PRR12: variants seen among roughly 807,000 people sequenced by gnomAD.
PRR12 encodes proline rich 12.
Under a neutral mutation model 138.0 loss-of-function variants are expected in PRR12, and 12 were observed. That is an observed-to-expected ratio of 0.09 (90% CI 0.06 to 0.14). The LOEUF (loss-of-function observed/expected upper bound fraction) is 0.14, where lower values mean the gene tolerates loss of function less well. PRR12 is among the 10% of genes least tolerant of loss of function. PRR12 has a pLI of 1.00. For missense variants in PRR12, 2,692 were observed against 2,861.3 expected, an observed-to-expected ratio of 0.94 and a Z score of 1.35; for synonymous variants, 1,567 against 1,291.7, an observed-to-expected ratio of 1.21 and a Z score of -4.57.
chr19:49,608,443 G>A (rs1303147392), intron 6 of PRR12, among the ~76,000 whole-genome samples: 1 of 152,116 alleles, frequency 6.6e-6, no homozygotes, highest in Non-Finnish European at 1.5e-5. Flanking sequence ...CCGGGTTCAA[G>A]CGATTCTTCT....
Position 49,595,907 on chromosome 19 carries a change from G to A in PRR12, c.1572G>A (p.Leu524=). Residue 524 remains leucine (L), a synonymous_variant, in exon 4 of 14, where the codon CTG becomes CTA. Transcript: ENST00000418929. Reference sequence around the variant, plus strand: ...GGCCAGCCGCCCACTCCCAGGGGCTGCCCACAGCCAGCCCCTCGCTCAGCT... The same window carrying A: ...GGCCAGCCGCCCACTCCCAGGGGCTACCCACAGCCAGCCCCTCGCTCAGCT... ...YPGPAAHSQG[L]PTASPSLSYS... is the part of the protein sequence containing the mutation. 2.5e-6 allele frequency: 4 copies of A among 1,602,766 alleles called. No homozygotes were observed. Among genetic ancestry groups the A allele is most frequent in the Non-Finnish European group, 3.4e-6 (4 of 1,179,602 alleles).
chr19:49,618,213 C>T (rs1249493676), intron 9 of PRR12, among the ~76,000 whole-genome samples: 1 of 152,028 alleles, frequency 6.6e-6, no homozygotes, highest in Non-Finnish European at 1.5e-5. Flanking sequence ...GTCATGACCC[C>T]TTTCCAGTGA....
rs746913171 is a variant in PRR12 at position 49,596,238 on chromosome 19, C to T, written c.1903C>T (p.Arg635Cys). 4.3e-6 allele frequency: 7 copies of T among 1,610,870 alleles called. No homozygotes were observed. Among genetic ancestry groups the T allele is most frequent in the Non-Finnish European group, 5.9e-6 (7 of 1,179,620 alleles). ...LAGPGGPPAE[R>C]TEDEEFLIQH... ...GGGCCCAGGTGGGCCTCCTGCGGAG[C>T]GCACAGAGGATGAGGAGTTCCTTAT... is the stretch of plus-strand genomic sequence containing the variant. The change falls in exon 4 of 14, where the codon CGC (arginine) becomes TGC (cysteine). Residue 635 changes from arginine (R) to cysteine (C), a missense_variant. This residue lies in a region of PRR12 where 840 missense variants were observed against 689.8 expected (regional missense o/e 1.22). Coordinates refer to ENST00000418929, the MANE Select transcript of PRR12 (RefSeq NM_020719.3). The surrounding 1 kb of genome is among the most constrained non-coding windows in gnomAD (Gnocchi z 5.6).
chr19:49,591,470 CT>C lies in PRR12; in HGVS notation c.-184del, dbSNP rs1432451863. ...CCCTCCCTTGCCCGCCCCTCCGCCCCTGCCCCCTCCCTCCCCCGCCCGGGGC... is the reference window on the plus strand; with the variant it reads ...CCCTCCCTTGCCCGCCCCTCCGCCCCGCCCCCTCCCTCCCCCGCCCGGGGC... On this transcript the variant is annotated 5_prime_UTR_variant, in exon 1 of 14. Coordinates refer to ENST00000418929, the MANE Select transcript of PRR12 (RefSeq NM_020719.3). Among the ~76,000 whole-genome samples, 6 of 149,802 alleles carry C rather than the reference CT, an allele frequency of 4.0e-5. No individual in the cohort carries two copies. The highest frequency in any genetic ancestry group is 6.6e-5 in the Admixed American group (1 of 15,132).
chr19:49,604,195 T>C (rs2080826795), intron 6 of PRR12, among the ~76,000 whole-genome samples: 2 of 152,060 alleles, frequency 1.3e-5, no homozygotes, highest in South Asian at 4.2e-4. Context: ...ATCTATTTCA[T>C]TGTGGGAAAA....
Position 49,595,089 on chromosome 19 carries a change from TCCGCTGCCGCCG to T in PRR12, c.764_775del (p.Ala255_Ala258del), listed in dbSNP as rs928217974. On this transcript the variant is annotated inframe_deletion, in exon 4 of 14. Transcript: ENST00000418929. Reference sequence around the variant, plus strand: ...TCAGTTCAACCTGCTGGCTTCCTCTTCCGCTGCCGCCGCCGCTGCCGAGCAGTCCTCCCCACA... The same window carrying T: ...TCAGTTCAACCTGCTGGCTTCCTCTTCCGCTGCCGAGCAGTCCTCCCCACA... 1 of 1,611,278 alleles carries T rather than the reference TCCGCTGCCGCCG, an allele frequency of 6.2e-7. No individual in the cohort carries two copies. Among genetic ancestry groups the T allele is most frequent in the Non-Finnish European group, 8.5e-7 (1 of 1,179,538 alleles).
chr19:49,606,256 A>C (rs1055892079), intron 6 of PRR12, among the ~76,000 whole-genome samples: 1 of 151,670 alleles, frequency 6.6e-6, no homozygotes, highest in African/African-American at 2.4e-5. Context: ...CTCCCGTCTC[A>C]GCCTCCCAAA....
In PRR12 at chr19:49,597,161, G is replaced by A. The variant is rs777040804; in HGVS notation, c.2826G>A (p.Glu942=). The change falls in exon 4 of 14, where the codon GAG becomes GAA. Residue 942 remains glutamate, a synonymous_variant. Transcript: ENST00000418929. The surrounding 1 kb of genome is among the most constrained non-coding windows in gnomAD (Gnocchi z 6.3). The stretch of plus-strand genomic sequence containing the variant: ...TCCCTGACTCCTTGCTCCAAGACGA[G>A]GAGCGCAGCTTCTTCCCCACCATGG... The part of the protein sequence containing the change: ...ICFPDSLLQD[E]ERSFFPTMEE... 3 of 1,552,420 alleles carry A rather than the reference G, an allele frequency of 1.9e-6. No homozygotes were observed. The highest frequency in any genetic ancestry group is 2.4e-5 in the South Asian group (2 of 84,208).
rs1291125185 is a variant in PRR12, at chr19:49,610,078, G to A, written c.4774-4455G>A. On this transcript the variant is annotated intron_variant, in intron 6 of 13. Coordinates refer to ENST00000418929, the MANE Select transcript of PRR12 (RefSeq NM_020719.3). ...CAACTTCTGCCTCCCAGGTTCAAGC[G>A]ATTCTCCTGCCTCAGCCTCCCGAGT... Among the ~76,000 whole-genome samples, 3 of 151,838 alleles carry A rather than the reference G, an allele frequency of 2.0e-5. No homozygotes were observed. In the South Asian group the frequency reaches 6.2e-4, roughly 32 times the overall value.
At chr19:49,613,899 G>A (rs1025981380) in intron 6 of PRR12, among the ~76,000 whole-genome samples, 14 of 151,984 alleles carry the variant, frequency 9.2e-5, no homozygotes, top group African/African-American at 3.1e-4. Context: ...ACCTGAGGTC[G>A]GGAGTTCAAG....
At chr19:49,601,998 T>C in intron 6 of PRR12, 80 bp downstream of exon 6, 1 of 1,504,564 alleles carries the variant, frequency 6.6e-7, no homozygotes, top group Non-Finnish European at 9.0e-7. Flanking sequence ...ATGACAGGCT[T>C]GTGCTGAGAC....
intron 9 of PRR12, among the ~76,000 whole-genome samples, chr19:49,618,706 T>C (rs1035957515): frequency 6.6e-6 from 1 of 152,026 alleles, no homozygotes; most frequent in African/African-American, 2.4e-5. Flanking sequence ...TTTCTTTTTC[T>C]ACCTGTCGCC....
In PRR12 at chr19:49,597,622, C is replaced by T; in HGVS notation, c.3287C>T (p.Ala1096Val). The T allele has an allele frequency of 6.2e-7, 1 of 1,610,104 alleles. No homozygotes were observed. Among genetic ancestry groups the T allele is most frequent in the Non-Finnish European group, 8.5e-7 (1 of 1,178,958 alleles). Reference protein sequence around the residue: ...PPFQTPKKLYAQEYEFEADED... With the variant: ...PPFQTPKKLYVQEYEFEADED... The stretch of plus-strand genomic sequence containing the variant: ...TTCCAGACCCCCAAGAAGCTGTACG[C>T]CCAGGAGTACGAGTTCGAGGCGGAC... Residue 1096 changes from alanine (A) to valine (V), a missense_variant, in exon 4 of 14, where the codon GCC (alanine) becomes GTC (valine). Ala to Val is a moderately conservative substitution (Grantham distance 64, BLOSUM62 0). Transcript: ENST00000418929. The surrounding 1 kb of genome is among the most constrained non-coding windows in gnomAD (Gnocchi z 6.3).
At position 49,592,406 on chromosome 19, in the gene PRR12, C is replaced by T. The variant is rs142562612; in HGVS notation, c.86+666C>T. Among the ~76,000 whole-genome samples the T allele has an allele frequency of 3.1e-4, 47 of 152,272 alleles. No homozygotes were observed. The East Asian group carries it at 7.5e-3, about 24-fold the overall frequency. On this transcript the variant is annotated intron_variant, in intron 1 of 13. Coordinates refer to ENST00000418929, the MANE Select transcript of PRR12 (RefSeq NM_020719.3). ...CTTGAGTCTGGCCACGGACTGGTGCCGTTGCATGGGAAGAGTCGGATGTTT... is the reference window on the plus strand; with the variant it reads ...CTTGAGTCTGGCCACGGACTGGTGCTGTTGCATGGGAAGAGTCGGATGTTT...
chr19:49,625,362 G>C lies in PRR12; in HGVS notation c.5965-99G>C. 2 of 1,447,894 alleles carry C rather than the reference G, an allele frequency of 1.4e-6. No individual in the cohort carries two copies. Among genetic ancestry groups the C allele is most frequent in the Non-Finnish European group, 1.9e-6 (2 of 1,072,220 alleles). The allele number at this position is 1,447,894 out of a possible 1,614,324, so 89.7% of individuals were successfully genotyped here. The stretch of plus-strand genomic sequence containing the variant: ...GCAGCCCCCAGCCCTGGTCTCCCTG[G>C]GACACTGACATCTGACACCCCAGGC... On this transcript the variant is annotated intron_variant, in intron 13 of 13. Transcript: ENST00000418929. The surrounding 1 kb of genome is among the most constrained non-coding windows in gnomAD (Gnocchi z 5.5).
At position 49,594,678 on chromosome 19, in the gene PRR12, C is replaced by T. The variant is rs377382918; in HGVS notation, c.362-19C>T. 2.2e-5 allele frequency: 36 copies of T among 1,610,874 alleles called. No homozygotes were observed. The highest frequency in any genetic ancestry group is 5.5e-5 in the South Asian group (5 of 91,042). On this transcript the variant is annotated intron_variant, in intron 3 of 13. Coordinates refer to ENST00000418929, the MANE Select transcript of PRR12 (RefSeq NM_020719.3). This position sits in a 1 kb window ranked among gnomAD's most constrained non-coding sequence, Gnocchi z 5.6. ...CTGGCTCGCTGTTCTCTCTGACGCG[C>T]GGTCTTCCTCATCTCCAGCCATGCA...
Position 49,621,640 on chromosome 19 carries a change from C to G in PRR12, c.5721+18C>G. 6.4e-7 allele frequency: 1 copy of G among 1,563,318 alleles called. No homozygotes were observed. On this transcript the variant is annotated intron_variant, in intron 11 of 13. Coordinates refer to ENST00000418929, the MANE Select transcript of PRR12 (RefSeq NM_020719.3). ...CCCTGCAGGTGCCTGGGGGTCTGGG[C>G]AGGGGGTGTCTGGGGCCCAGGGTCC...
In PRR12 at chr19:49,595,090, C is replaced by A; in HGVS notation, c.755C>A (p.Ser252Tyr). The A allele has an allele frequency of 6.2e-7, 1 of 1,611,482 alleles. No homozygotes were observed. The highest frequency in any genetic ancestry group is 8.5e-7 in the Non-Finnish European group (1 of 1,179,586). The part of the protein sequence containing the change: ...PTQFNLLASS[S>Y]AAAAAAEQSS... ...CAGTTCAACCTGCTGGCTTCCTCTT[C>A]CGCTGCCGCCGCCGCTGCCGAGCAG... Residue 252 changes from serine to tyrosine, a missense_variant, in exon 4 of 14, where the codon TCC becomes TAC. Physicochemically the swap from Ser to Tyr is moderately radical, Grantham distance 144 (BLOSUM62 -2). Around this residue, in one of 11 missense-constraint regions of PRR12, gnomAD observed 523 missense variants for 496.4 expected, o/e 1.05. Coordinates refer to ENST00000418929, the MANE Select transcript of PRR12 (RefSeq NM_020719.3).
intron 9 of PRR12, among the ~76,000 whole-genome samples, chr19:49,618,192 T>G (rs2080902732): frequency 6.6e-6 from 1 of 152,112 alleles, no homozygotes; most frequent in Non-Finnish European, 1.5e-5. Flanking sequence ...GCTGTTTGCC[T>G]TGTTGCTGGG....
Sources: allele counts gnomAD v4.1 joint callset (sites outside exome capture counted in the v4.1 genomes callset), GRCh38; gene constraint gnomAD v4.1.1; regional missense constraint gnomAD v4.1.1; non-coding constraint Gnocchi (gnomAD v3.1); transcripts MANE v1.5; gene names NCBI Gene and HGNC (gene_info 2026-07-23, HGNC 2026-07-21).